PTN: variants seen among roughly 807,000 people sequenced by gnomAD.
PTN encodes the protein heparin affin regulatory protein.
PTN carries 18 observed loss-of-function variants against 24.1 expected under a neutral mutation model. That is an observed-to-expected ratio of 0.75 (90% CI 0.52 to 1.11). The LOEUF is 1.11. PTN is among the 50% of genes least tolerant of loss of function. PTN has a pLI of 0.00. For missense variants in PTN, 163 were observed against 198.8 expected, an observed-to-expected ratio of 0.82 and a Z score of 1.08; for synonymous variants, 78 against 68.6, an observed-to-expected ratio of 1.14 and a Z score of -0.67.
At chr7:137,338,471 C>T (rs1371579746) in intron 1 of PTN, among the ~76,000 whole-genome samples, 1 of 152,192 alleles carries the variant, frequency 6.6e-6, no homozygotes, top group African/African-American at 2.4e-5. Flanking sequence ...AGACATAATG[C>T]TTTTGAAATA....
chr7:137,314,664 G>A (rs1472164947), intron 1 of PTN, among the ~76,000 whole-genome samples: 2 of 135,696 alleles, frequency 1.5e-5, no homozygotes, highest in Non-Finnish European at 3.0e-5. Context: ...GTGTGATCTC[G>A]ACTCACGGCA....
chr7:137,317,764 G>C (rs187043175), intron 1 of PTN, among the ~76,000 whole-genome samples: 1 of 152,200 alleles, frequency 6.6e-6, no homozygotes, highest in East Asian at 1.9e-4. Flanking sequence ...TCTTTTTCAG[G>C]GGGTGGGGGA....
chr7:137,252,383 T>C (rs1029098608), intron 3 of PTN, among the ~76,000 whole-genome samples: 2 of 151,890 alleles, frequency 1.3e-5, no homozygotes, highest in Non-Finnish European at 2.9e-5. Context: ...TATTGAACTG[T>C]TAGGTTTTGT....
intron 3 of PTN, among the ~76,000 whole-genome samples, chr7:137,252,024 G>A (rs1808836123): frequency 6.6e-6 from 1 of 151,860 alleles, no homozygotes; most frequent in South Asian, 2.1e-4. Context: ...GGAAACATCA[G>A]TTTTCATTTC....
At chr7:137,330,107 T>C (rs145856972) in intron 1 of PTN, among the ~76,000 whole-genome samples, 2,449 of 152,038 alleles carry the variant, frequency 0.016, 76 homozygotes, top group African/African-American at 0.055. Context: ...GCCAACATGG[T>C]GAAACCCCGT....
intron 2 of PTN, 50 bp downstream of exon 2, chr7:137,254,809 G>A: frequency 7.8e-7 from 1 of 1,283,770 alleles, no homozygotes; most frequent in Non-Finnish European, 1.1e-6. Flanking sequence ...AATTAGACTA[G>A]ATGGACATTA....
At chr7:137,339,700 G>A (rs1025588551) in intron 1 of PTN, among the ~76,000 whole-genome samples, 3 of 152,084 alleles carry the variant, frequency 2.0e-5, no homozygotes, top group Admixed American at 2.0e-4. Context: ...TGGTACATCC[G>A]TACATAGAGA....
At chr7:137,276,059 A>C (rs938556876) in intron 1 of PTN, among the ~76,000 whole-genome samples, 2 of 152,218 alleles carry the variant, frequency 1.3e-5, no homozygotes, top group African/African-American at 4.8e-5. Context: ...GGAAGTAACA[A>C]ATAACTATTG....
chr7:137,324,067 G>C (rs187416687), intron 1 of PTN, among the ~76,000 whole-genome samples: 4 of 152,230 alleles, frequency 2.6e-5, no homozygotes, highest in African/African-American at 4.8e-5. Context: ...GCCAGTTGTA[G>C]AGGCTGGTCT....
intron 1 of PTN, among the ~76,000 whole-genome samples, chr7:137,316,862 G>A (rs1046673721): frequency 3.9e-5 from 6 of 152,168 alleles, no homozygotes; most frequent in Admixed American, 2.0e-4. Context: ...CGTCTAGGAT[G>A]TGGAAATACG....
chr7:137,264,692 C>T lies in PTN; in HGVS notation c.-1-9718G>A, dbSNP rs141856105. ...GGGTTTAGGGTGTTGCAAACTTCGA[C>T]GGTTATGCAGGGATTTTCACAGAGC... On this transcript the variant is annotated intron_variant, in intron 1 of 4. Transcript: ENST00000348225. 8.9e-3 allele frequency among the ~76,000 whole-genome samples: 1,353 copies of T among 152,262 alleles called. 15 individuals are homozygous for T. Among genetic ancestry groups the T allele is most frequent in the African/African-American group, 0.031 (1,293 of 41,540 alleles).
intron 1 of PTN, among the ~76,000 whole-genome samples, chr7:137,278,089 C>T (rs1354677084): frequency 1.3e-5 from 2 of 151,496 alleles, no homozygotes; most frequent in South Asian, 2.1e-4. Flanking sequence ...GGGTGGATCA[C>T]GAGGTCAGGA....
At chr7:137,236,306 CT>C in intron 4 of PTN, 1 of 701,400 alleles carries the variant, frequency 1.4e-6, no homozygotes, top group South Asian at 1.5e-5. Context: ...TCAGGATGCA[CT>C]TTCTTTACAC....
At chr7:137,330,560 C>T (rs1810334936) in intron 1 of PTN, among the ~76,000 whole-genome samples, 1 of 152,098 alleles carries the variant, frequency 6.6e-6, no homozygotes, top group African/African-American at 2.4e-5. Flanking sequence ...CTTTTATGAT[C>T]CACCACTAAA....
rs1809834967 is a variant in PTN, at chr7:137,303,288, G to A, written c.-2+40151C>T. 2.0e-5 allele frequency among the ~76,000 whole-genome samples: 3 copies of A among 152,010 alleles called. No homozygotes were observed. In the South Asian group the frequency reaches 6.2e-4, roughly 32 times the overall value. On this transcript the variant is annotated intron_variant, in intron 1 of 4. Coordinates refer to ENST00000348225, the MANE Select transcript of PTN (RefSeq NM_002825.7). The stretch of plus-strand genomic sequence containing the variant: ...TCTGATGAGCTATACAATTTGGAAA[G>A]AACTCTTCTATGTAATATCCTTTTA...
At chr7:137,278,913 C>G (rs1046159591) in intron 1 of PTN, among the ~76,000 whole-genome samples, 4 of 149,580 alleles carry the variant, frequency 2.7e-5, no homozygotes, top group Non-Finnish European at 5.9e-5. Context: ...TGCACTCCAG[C>G]CTGGGTGACA....
intron 1 of PTN, among the ~76,000 whole-genome samples, chr7:137,282,366 T>C (rs1001026081): frequency 5.3e-5 from 8 of 152,218 alleles, no homozygotes; most frequent in Admixed American, 4.6e-4. Flanking sequence ...GTTTTTAATA[T>C]TGTAGCATAA....
intron 1 of PTN, among the ~76,000 whole-genome samples, chr7:137,306,333 T>G (rs1809887763): frequency 1.3e-5 from 2 of 152,074 alleles, no homozygotes; most frequent in East Asian, 1.9e-4. Flanking sequence ...AATCATTGCT[T>G]TCCCTGGTAA....
intron 1 of PTN, among the ~76,000 whole-genome samples, chr7:137,274,414 C>T (rs1294762259): frequency 2.6e-5 from 4 of 151,942 alleles, no homozygotes; most frequent in Non-Finnish European, 5.9e-5. Flanking sequence ...GCAGAACATG[C>T]GGTTTTGTTA....
Sources: gnomAD v4.1 joint callset for allele counts (sites outside exome capture counted in the v4.1 genomes callset) on GRCh38, gnomAD v4.1.1 for gene constraint, MANE v1.5 for transcripts, NCBI Gene and HGNC (gene_info 2026-07-23, HGNC 2026-07-21) for gene names.